PRDM16: variants seen among roughly 807,000 people sequenced by gnomAD.
The protein encoded by PRDM16 is histone-lysine N-methyltransferase PRDM16.
A neutral mutation model predicts 110.6 loss-of-function variants in PRDM16; 23 were observed. The observed-to-expected ratio is 0.21, with a 90% CI of 0.15 to 0.29. The LOEUF (loss-of-function observed/expected upper bound fraction) is 0.29, where lower values mean the gene tolerates loss of function less well. Among genes scored for constraint, PRDM16 ranks in the 10% least tolerant of loss-of-function variants. The pLI, the probability that PRDM16 is intolerant of heterozygous loss-of-function variation, is 1.00. For missense variants in PRDM16, 1,615 were observed against 1,794.3 expected (o/e 0.90, Z 1.81); for synonymous variants, 799 against 781.8 (o/e 1.02, Z -0.37).
At chr1:3,354,705 G>A (rs576629783) in intron 3 of PRDM16, among the ~76,000 whole-genome samples, 54 of 152,184 alleles carry the variant, frequency 3.5e-4, no homozygotes, top group Non-Finnish European at 7.1e-4. Context: ...TTTCCTCTTC[G>A]CTGAGTCAGT....
At chr1:3,309,573 A>T (rs60030849) in intron 3 of PRDM16, 5,760 of 152,458 alleles carry the variant, frequency 0.038, 370 homozygotes, top group African/African-American at 0.13. Flanking sequence ...GAGAGATGGA[A>T]TGAGGAGGCT....
At chr1:3,130,480 GGCCCCAGAGGCCGTCTCCAGGGCCC>G in intron 1 of PRDM16, among the ~76,000 whole-genome samples, 1 of 152,290 alleles carries the variant, frequency 6.6e-6, no homozygotes, top group African/African-American at 2.4e-5. Flanking sequence ...AGACCTAGTT[GGCCCCAGAGGCCGTCTCCAGGGCCC>G]GCCCAGCAGC....
chr1:3,116,068 G>A (rs887527199), intron 1 of PRDM16, among the ~76,000 whole-genome samples: 13 of 152,186 alleles, frequency 8.5e-5, no homozygotes, highest in African/African-American at 2.9e-4. Context: ...GTGGCCAGCC[G>A]GAGCCCCTCA....
intron 1 of PRDM16, among the ~76,000 whole-genome samples, chr1:3,111,648 C>T (rs1221482982): frequency 2.6e-5 from 4 of 152,072 alleles, no homozygotes; most frequent in Non-Finnish European, 4.4e-5. Context: ...CAGGGGCGCA[C>T]GCCCCCTGGG....
chr1:3,434,603 C>T lies in PRDM16; in HGVS notation c.*792C>T, dbSNP rs1324816437. ...GGGCGCCCTGGGCTGCAGGCCTGCC[C>T]GAGGCTGGGATGGGAAGTGTGCCTG... On this transcript the variant is annotated 3_prime_UTR_variant, in exon 17 of 17. Coordinates refer to ENST00000270722, the MANE Select transcript of PRDM16 (RefSeq NM_022114.4). 6.0e-5 allele frequency: 14 copies of T among 232,106 alleles called. No homozygotes were observed. Among genetic ancestry groups the T allele is most frequent in the Non-Finnish European group, 1.0e-4 (12 of 117,378 alleles). The allele number at this position is 232,106 out of a possible 1,614,324, so 14.4% of individuals were successfully genotyped here. A position where few individuals can be genotyped will look rare whatever the true frequency, so the allele number is the denominator to read the frequency against.
chr1:3,210,595 C>T lies in PRDM16; in HGVS notation c.387+24121C>T, dbSNP rs142119397. On this transcript the variant is annotated intron_variant, in intron 2 of 16. Coordinates refer to ENST00000270722, the MANE Select transcript of PRDM16 (RefSeq NM_022114.4). ...TCCCAGACATGCTCTAAATAGCAGG[C>T]ACATGTTCTAAGTTGAGGGAATCAG... Among the ~76,000 whole-genome samples the T allele has an allele frequency of 2.1e-4, 32 of 152,364 alleles. No homozygotes were observed. The East Asian group carries it at 5.8e-3, about 28-fold the overall frequency.
At chr1:3,346,327 G>T (rs1294559505) in intron 3 of PRDM16, among the ~76,000 whole-genome samples, 1 of 152,144 alleles carries the variant, frequency 6.6e-6, no homozygotes, top group Non-Finnish European at 1.5e-5. Flanking sequence ...GGGGCTTGGG[G>T]GCTTCCAGTG....
chr1:3,405,703 G>A (rs1048744417), intron 8 of PRDM16, 55 bp downstream of exon 8: 15 of 1,491,646 alleles, frequency 1.0e-5, no homozygotes, highest in East Asian at 5.1e-5. Context: ...ATGCCGTGGC[G>A]GTCGGGCCGA....
At chr1:3,101,623 G>C (rs1025455103) in intron 1 of PRDM16, among the ~76,000 whole-genome samples, 1 of 152,228 alleles carries the variant, frequency 6.6e-6, no homozygotes, top group Non-Finnish European at 1.5e-5. Flanking sequence ...GAGGAGCCAG[G>C]GCACCCGTGG....
intron 2 of PRDM16, among the ~76,000 whole-genome samples, chr1:3,234,035 G>A (rs927792144): frequency 2.9e-4 from 44 of 152,056 alleles, no homozygotes; most frequent in African/African-American, 8.9e-4. Flanking sequence ...TGGAGCCCTC[G>A]GCTCCTTGAC....
intron 2 of PRDM16, among the ~76,000 whole-genome samples, chr1:3,222,747 C>G (rs937130337): frequency 2.6e-5 from 4 of 152,240 alleles, no homozygotes; most frequent in Admixed American, 2.0e-4. Flanking sequence ...GGACCAGCAT[C>G]CCCATTCCCA....
At chr1:3,424,076 C>T (rs1011827665) in intron 12 of PRDM16, among the ~76,000 whole-genome samples, 1 of 152,202 alleles carries the variant, frequency 6.6e-6, no homozygotes, top group Non-Finnish European at 1.5e-5. Flanking sequence ...CCCAGCCCAG[C>T]CGGGTGCCTC....
intron 1 of PRDM16, among the ~76,000 whole-genome samples, chr1:3,122,059 A>G (rs2742672): frequency 0.53 from 81,085 of 152,106 alleles, 24,299 homozygotes; most frequent in African/African-American, 0.82. Context: ...TAGGGGAGCC[A>G]GCCTCACCGC....
chr1:3,181,711 CACACGCAGTCTT>C (rs1569785148), intron 1 of PRDM16, among the ~76,000 whole-genome samples: 1 of 128,016 alleles, frequency 7.8e-6, no homozygotes, highest in Non-Finnish European at 1.7e-5. Flanking sequence ...CACGGTCTTA[CACACGCAGTCTT>C]ACACACGGTC....
chr1:3,286,309 C>T (rs1228908666), intron 3 of PRDM16, among the ~76,000 whole-genome samples: 1 of 152,210 alleles, frequency 6.6e-6, no homozygotes, highest in South Asian at 2.1e-4. Flanking sequence ...CAAGGGGGGC[C>T]GCAACTGCAG....
At chr1:3,362,249 G>C (rs1401375014) in intron 3 of PRDM16, among the ~76,000 whole-genome samples, 1 of 152,252 alleles carries the variant, frequency 6.6e-6, no homozygotes, top group Non-Finnish European at 1.5e-5. Context: ...ACATGAGTGA[G>C]TGCAAATGTC....
intron 1 of PRDM16, among the ~76,000 whole-genome samples, chr1:3,102,796 G>T (rs908319157): frequency 6.6e-6 from 1 of 152,218 alleles, no homozygotes; most frequent in Non-Finnish European, 1.5e-5. Context: ...CTCTGGAAGG[G>T]CTGGGACCAT....
chr1:3,149,244 G>C (rs1182252957), intron 1 of PRDM16, among the ~76,000 whole-genome samples: 1 of 152,206 alleles, frequency 6.6e-6, no homozygotes, highest in Non-Finnish European at 1.5e-5. Flanking sequence ...GAGAACACGG[G>C]TGAGAATGAA....
chr1:3,241,847 C>T (rs1014727926), intron 2 of PRDM16, among the ~76,000 whole-genome samples: 15 of 152,236 alleles, frequency 9.9e-5, no homozygotes, highest in East Asian at 3.9e-4. Flanking sequence ...AGAGGGAGGG[C>T]GGCCCCCACC....
Sources: gnomAD v4.1 joint callset for allele counts (sites outside exome capture counted in the v4.1 genomes callset) on GRCh38, gnomAD v4.1.1 for gene constraint, MANE v1.5 for transcripts, NCBI Gene and HGNC (gene_info 2026-07-23, HGNC 2026-07-21) for gene names.